CNTN4: variants seen among roughly 807,000 people sequenced by gnomAD.
The protein encoded by CNTN4 is contactin 4, also known as contactin-4.
In CNTN4, 77 loss-of-function variants were observed where a neutral mutation model predicts 122.5. That is an observed-to-expected ratio of 0.63 (90% CI 0.52 to 0.76). The LOEUF (loss-of-function observed/expected upper bound fraction) is 0.76, where lower values mean the gene tolerates loss of function less well. CNTN4 is among the 30% of genes least tolerant of loss of function. CNTN4 has a pLI of 0.00. For synonymous variants in CNTN4, 512 were observed against 447.0 expected (o/e 1.15, Z -1.83); for missense variants, 1,256 against 1,259.1 (o/e 1.00, Z 0.04).
chr3:2,177,105 A>G (rs939780950), intron 2 of CNTN4, among the ~76,000 whole-genome samples: 3 of 152,192 alleles, frequency 2.0e-5, no homozygotes, highest in African/African-American at 7.2e-5. Flanking sequence ...AGCAGGAGAT[A>G]TGAATAATAC....
At chr3:2,190,569 T>C (rs2037483235) in intron 2 of CNTN4, among the ~76,000 whole-genome samples, 1 of 151,856 alleles carries the variant, frequency 6.6e-6, no homozygotes, top group Non-Finnish European at 1.5e-5. Flanking sequence ...ATGAATACTC[T>C]AGTCTACAGT....
At chr3:2,555,937 G>A (rs2078703185) in intron 3 of CNTN4, among the ~76,000 whole-genome samples, 1 of 152,046 alleles carries the variant, frequency 6.6e-6, no homozygotes, top group Admixed American at 6.5e-5. Flanking sequence ...ATCTGCCATG[G>A]GTAACCTATT....
intron 3 of CNTN4, among the ~76,000 whole-genome samples, chr3:2,503,371 C>A (rs986489975): frequency 2.0e-5 from 3 of 152,100 alleles, no homozygotes; most frequent in South Asian, 4.1e-4. Context: ...AGTCTTTCAA[C>A]GTTTGTCTAT....
intron 6 of CNTN4, among the ~76,000 whole-genome samples, chr3:2,795,641 C>T (rs1052282515): frequency 9.9e-5 from 15 of 151,878 alleles, no homozygotes; most frequent in South Asian, 2.1e-4. Flanking sequence ...CTGCCTCAGC[C>T]TCCTGAGTAG....
Position 2,461,691 on chromosome 3 carries a change from A to T in CNTN4, c.-88-109725A>T, listed in dbSNP as rs146169900. 2.4e-3 allele frequency among the ~76,000 whole-genome samples: 367 copies of T among 152,334 alleles called. 1 individual carries two copies. The highest frequency in any genetic ancestry group is 4.5e-3 in the Non-Finnish European group (309 of 68,016). On this transcript the variant is annotated intron_variant, in intron 3 of 24. Transcript: ENST00000418658. ...TTCAGCAACAGATTTGAATTTTCGT[A>T]TTAATATAGTGTAAATAACAACAGT...
intron 3 of CNTN4, among the ~76,000 whole-genome samples, chr3:2,551,825 A>G (rs865843647): frequency 5.9e-5 from 9 of 152,120 alleles, no homozygotes; most frequent in South Asian, 2.1e-4. Context: ...CTCGATTGCA[A>G]TGGCTTTTTA....
intron 6 of CNTN4, among the ~76,000 whole-genome samples, chr3:2,772,923 A>C (rs1373698592): frequency 6.6e-6 from 1 of 152,214 alleles, no homozygotes; most frequent in East Asian, 1.9e-4. Context: ...GATAGGAATC[A>C]GGAGAGGATA....
chr3:2,539,715 G>A (rs973262117), intron 3 of CNTN4, among the ~76,000 whole-genome samples: 2 of 152,084 alleles, frequency 1.3e-5, no homozygotes, highest in East Asian at 1.9e-4. Context: ...TCAAATTAAT[G>A]TTACAAGTAA....
rs184354516 is a variant in CNTN4 at position 2,492,532 on chromosome 3, G to A, written c.-88-78884G>A. Among the ~76,000 whole-genome samples, 105 of 152,266 alleles carry A rather than the reference G, an allele frequency of 6.9e-4. 1 individual carries two copies. The highest frequency in any genetic ancestry group is 2.4e-3 in the African/African-American group (98 of 41,554). On this transcript the variant is annotated intron_variant, in intron 3 of 24. Coordinates refer to ENST00000418658, the MANE Select transcript of CNTN4 (RefSeq NM_175607.3). Reference sequence around the variant, plus strand: ...ATATTGTTTTGGAGATCCAAGAGCTGGGAGCAGCCATTTCTTCTCATCTTC... The same window carrying A: ...ATATTGTTTTGGAGATCCAAGAGCTAGGAGCAGCCATTTCTTCTCATCTTC...
intron 3 of CNTN4, among the ~76,000 whole-genome samples, chr3:2,353,050 A>G (rs559340418): frequency 3.4e-4 from 52 of 152,222 alleles, no homozygotes; most frequent in Admixed American, 2.3e-3. Context: ...AAACGTGCCA[A>G]TCAGTGCTCT....
chr3:2,880,748 A>C (rs991211144), intron 8 of CNTN4, among the ~76,000 whole-genome samples: 3 of 152,210 alleles, frequency 2.0e-5, no homozygotes, highest in Non-Finnish European at 4.4e-5. Flanking sequence ...GTAAGAGATT[A>C]AGATGAGGAG....
intron 3 of CNTN4, among the ~76,000 whole-genome samples, chr3:2,340,012 C>T (rs1161282248): frequency 6.6e-6 from 1 of 152,178 alleles, no homozygotes; most frequent in Non-Finnish European, 1.5e-5. Context: ...ACGTGGCTGT[C>T]TCCCCTATGT....
At chr3:2,396,420 A>G (rs1416279153) in intron 3 of CNTN4, among the ~76,000 whole-genome samples, 3 of 152,074 alleles carry the variant, frequency 2.0e-5, no homozygotes, top group Admixed American at 6.6e-5. Context: ...CCGTATGAAA[A>G]CAGTTGGGGG....
intron 3 of CNTN4, among the ~76,000 whole-genome samples, chr3:2,403,328 A>G (rs1172530858): frequency 6.6e-6 from 1 of 152,108 alleles, no homozygotes; most frequent in Admixed American, 6.6e-5. Context: ...TTAGGACTTC[A>G]ATATATTAAT....
At chr3:2,577,451 T>A (rs894069953) in intron 4 of CNTN4, among the ~76,000 whole-genome samples, 6 of 152,216 alleles carry the variant, frequency 3.9e-5, no homozygotes, top group African/African-American at 1.4e-4. Flanking sequence ...GGAGTTTTAC[T>A]CTTTTTAGTA....
At chr3:2,407,010 A>G (rs187671458) in intron 3 of CNTN4, among the ~76,000 whole-genome samples, 2 of 152,300 alleles carry the variant, frequency 1.3e-5, no homozygotes, top group Admixed American at 6.5e-5. Context: ...TTCCAGTTGC[A>G]CTTATTAGGA....
chr3:3,003,694 A>AC lies in CNTN4; in HGVS notation c.1486+15222_1486+15223insC, dbSNP rs1559775871. On this transcript the variant is annotated intron_variant, in intron 14 of 24. Transcript: ENST00000418658. ...TAGTCATGGTTGCACCAAAAAAAAAAAAAAAAAAAAAAAAAAAAAACAAAA... is the reference window on the plus strand; with the variant it reads ...TAGTCATGGTTGCACCAAAAAAAAAACAAAAAAAAAAAAAAAAAAAACAAAA... 4.1e-5 allele frequency among the ~76,000 whole-genome samples: 6 copies of AC among 144,748 alleles called. No individual in the cohort carries two copies. In the East Asian group the frequency reaches 1.2e-3, roughly 28 times the overall value. 95.0% of individuals were successfully genotyped at this position (144,748 alleles called of 152,430 possible).
chr3:2,111,623 C>G (rs562641646), intron 2 of CNTN4, among the ~76,000 whole-genome samples: 1 of 152,208 alleles, frequency 6.6e-6, no homozygotes, highest in Non-Finnish European at 1.5e-5. Context: ...CCTGTCTCTA[C>G]TACTTATGTA....
chr3:2,275,958 TGATTTGAAA>T (rs2041493725), intron 2 of CNTN4, among the ~76,000 whole-genome samples: 1 of 151,218 alleles, frequency 6.6e-6, no homozygotes, highest in Non-Finnish European at 1.5e-5. Flanking sequence ...TATTAAATCT[TGATTTGAAA>T]GATTTGAAAT....
Sources: allele counts gnomAD v4.1 joint callset (sites outside exome capture counted in the v4.1 genomes callset), GRCh38; gene constraint gnomAD v4.1.1; transcripts MANE v1.5; gene names NCBI Gene and HGNC (gene_info 2026-07-23, HGNC 2026-07-21).